The following MDFIC2 variants were observed in gnomAD, a reference collection of about 807,000 sequenced individuals.
MDFIC2 encodes myoD family inhibitor domain-containing protein 2.
chr3:70,276,368 A>T (rs1049067330), intron 2 of MDFIC2, among the ~76,000 whole-genome samples: 7 of 152,174 alleles, frequency 4.6e-5, no homozygotes, highest in East Asian at 1.9e-4. Context: ...TACTTCTGGA[A>T]ATGTATGTTA....
In MDFIC2 at chr3:70,295,741, A is replaced by G. The variant is rs184934205; in HGVS notation, c.88+16145T>C. 2.0e-5 allele frequency among the ~76,000 whole-genome samples: 3 copies of G among 152,302 alleles called. No individual in the cohort carries two copies. The East Asian group carries it at 5.8e-4, about 29-fold the overall frequency. ...ACAAATACTACAATGCAAATATTTT[A>G]AAGTGCTGTATCTTTTGATCTGTGA... On this transcript the variant is annotated intron_variant, in intron 2 of 3. Transcript: ENST00000567252.
intron 2 of MDFIC2, among the ~76,000 whole-genome samples, chr3:70,252,357 T>C (rs1007338161): frequency 6.6e-6 from 1 of 152,204 alleles, no homozygotes; most frequent in African/African-American, 2.4e-5. Context: ...TGTCACCCCA[T>C]TTGCTTCAGT....
chr3:70,268,035 C>G (rs2106668415), intron 2 of MDFIC2, among the ~76,000 whole-genome samples: 1 of 151,304 alleles, frequency 6.6e-6, no homozygotes, highest in East Asian at 2.0e-4. Flanking sequence ...TCTTTCTCCT[C>G]CTCCTCCTCC....
At chr3:70,277,782 C>T (rs1452089030) in intron 2 of MDFIC2, among the ~76,000 whole-genome samples, 1 of 152,046 alleles carries the variant, frequency 6.6e-6, no homozygotes, top group Middle Eastern at 3.2e-3. Flanking sequence ...CTTAATGTCA[C>T]AGGTGTGTGC....
intron 2 of MDFIC2, among the ~76,000 whole-genome samples, chr3:70,311,547 A>G (rs1229943037): frequency 2.6e-5 from 4 of 152,192 alleles, no homozygotes; most frequent in African/African-American, 9.7e-5. Context: ...TTGTCCTTAA[A>G]TTATTTAGTC....
intron 2 of MDFIC2, among the ~76,000 whole-genome samples, chr3:70,212,796 CT>C (rs1363387002): frequency 6.7e-6 from 1 of 148,188 alleles, no homozygotes; most frequent in Non-Finnish European, 1.5e-5. Flanking sequence ...CATTTTCTCT[CT>C]CTTTTTTTGA....
chr3:70,265,121 A>G (rs931661922), intron 2 of MDFIC2, among the ~76,000 whole-genome samples: 2 of 152,204 alleles, frequency 1.3e-5, no homozygotes, highest in Admixed American at 6.5e-5. Flanking sequence ...GGTCCCTCCC[A>G]TGACATGTGG....
At chr3:70,304,684 C>G (rs1430653610) in intron 2 of MDFIC2, among the ~76,000 whole-genome samples, 1 of 152,206 alleles carries the variant, frequency 6.6e-6, no homozygotes, top group Non-Finnish European at 1.5e-5. Context: ...CAGTTACCAT[C>G]TTTTGCATGG....
intron 2 of MDFIC2, among the ~76,000 whole-genome samples, chr3:70,286,049 G>C (rs1388682670): frequency 6.6e-6 from 1 of 152,022 alleles, no homozygotes; most frequent in African/African-American, 2.4e-5. Context: ...CTGTGCAGAA[G>C]CTCTTTAGTT....
chr3:70,306,333 A>G (rs373665137), intron 2 of MDFIC2, among the ~76,000 whole-genome samples: 102 of 152,204 alleles, frequency 6.7e-4, no homozygotes, highest in African/African-American at 2.4e-3. Flanking sequence ...GGCTGGTCTC[A>G]AACTCCTGAC....
intron 2 of MDFIC2, among the ~76,000 whole-genome samples, chr3:70,226,343 A>T (rs1018148458): frequency 6.6e-6 from 1 of 152,202 alleles, no homozygotes; most frequent in East Asian, 1.9e-4. Flanking sequence ...TAACAGAGGC[A>T]CACACACAGC....
At chr3:70,306,591 A>T (rs202203264) in intron 2 of MDFIC2, among the ~76,000 whole-genome samples, 3,609 of 151,876 alleles carry the variant, frequency 0.024, 87 homozygotes, top group South Asian at 0.079. Context: ...TATTTTTTTT[A>T]TCATTTTTTT....
chr3:70,274,013 T>C (rs973768395), intron 2 of MDFIC2, among the ~76,000 whole-genome samples: 2 of 151,636 alleles, frequency 1.3e-5, no homozygotes, highest in South Asian at 4.2e-4. Context: ...AAAACTAAGA[T>C]GCCATTATTA....
At chr3:70,246,625 G>C (rs1211535922) in intron 2 of MDFIC2, among the ~76,000 whole-genome samples, 3 of 152,160 alleles carry the variant, frequency 2.0e-5, no homozygotes, top group South Asian at 4.1e-4. Flanking sequence ...TAACTGAAAC[G>C]TATTTAAGGG....
At chr3:70,250,747 A>T (rs1274747773) in intron 2 of MDFIC2, among the ~76,000 whole-genome samples, 1 of 152,168 alleles carries the variant, frequency 6.6e-6, no homozygotes, top group African/African-American at 2.4e-5. Context: ...AGCATCTTGC[A>T]ATTTGGGACT....
At chr3:70,212,123 T>A (rs1701357550) in intron 2 of MDFIC2, among the ~76,000 whole-genome samples, 1 of 152,110 alleles carries the variant, frequency 6.6e-6, no homozygotes, top group Non-Finnish European at 1.5e-5. Flanking sequence ...TAAATCTTCA[T>A]CCAGCCATCC....
intron 2 of MDFIC2, among the ~76,000 whole-genome samples, chr3:70,297,025 A>G (rs1487228771): frequency 6.6e-6 from 1 of 151,918 alleles, no homozygotes; most frequent in African/African-American, 2.4e-5. Context: ...CGCACATACT[A>G]TGGCTTAACC....
At chr3:70,296,109 G>T (rs1702287153) in intron 2 of MDFIC2, among the ~76,000 whole-genome samples, 1 of 152,138 alleles carries the variant, frequency 6.6e-6, no homozygotes, top group African/African-American at 2.4e-5. Context: ...TTAGTGGTAG[G>T]GAAAGGGTGA....
intron 2 of MDFIC2, among the ~76,000 whole-genome samples, chr3:70,241,189 G>T (rs1369724920): frequency 6.6e-6 from 1 of 152,090 alleles, no homozygotes; most frequent in East Asian, 1.9e-4. Flanking sequence ...AGAATTGCTA[G>T]AACGGTTCCT....
Sources: allele counts gnomAD v4.1 joint callset (sites outside exome capture counted in the v4.1 genomes callset), GRCh38; gene constraint gnomAD v4.1.1; transcripts MANE v1.5; gene names NCBI Gene and HGNC (gene_info 2026-07-23, HGNC 2026-07-21).